NIPA2: variants seen among roughly 807,000 people sequenced by gnomAD.
NIPA2 encodes NIPA magnesium transporter 2.
A neutral mutation model predicts 29.7 loss-of-function variants in NIPA2; 11 were observed. The observed-to-expected ratio is 0.37, with a 90% CI of 0.23 to 0.61. The LOEUF (loss-of-function observed/expected upper bound fraction) is 0.61. Ranked by LOEUF, NIPA2 falls within the 20% of genes least tolerant of loss-of-function variation. The pLI, the probability that NIPA2 is intolerant of heterozygous loss-of-function variation, is 0.66. For missense variants in NIPA2, 426 were observed against 437.9 expected (o/e 0.97, Z 0.24); for synonymous variants, 183 against 161.9 (o/e 1.13, Z -0.99).
At chr15:22,844,714 A>G (rs1283075653) in intron 2 of NIPA2, among the ~76,000 whole-genome samples, 1 of 152,134 alleles carries the variant, frequency 6.6e-6, no homozygotes, top group African/African-American at 2.4e-5. Context: ...TGATCGCGCC[A>G]CTGCACTCCA....
intron 7 of NIPA2, among the ~76,000 whole-genome samples, chr15:22,861,202 A>G (rs1231732696): frequency 6.6e-6 from 1 of 152,170 alleles, no homozygotes; most frequent in Non-Finnish European, 1.5e-5. Context: ...GTTTTTTATG[A>G]ATCGATCAAT....
intron 4 of NIPA2, 138 bp from the exon 5 acceptor site, chr15:22,853,074 A>G (rs1019426533): frequency 1.7e-6 from 1 of 591,330 alleles, no homozygotes; most frequent in African/African-American, 1.9e-5. Context: ...AGAAATTGTC[A>G]GAGAAATCCC....
chr15:22,860,094 G>A (rs146449918), intron 6 of NIPA2, among the ~76,000 whole-genome samples: 6 of 150,746 alleles, frequency 4.0e-5, no homozygotes, highest in South Asian at 2.1e-4. Context: ...GCAGTGGCGC[G>A]ATGTCAGCTC....
chr15:22,855,580 G>A (rs2058119087), intron 5 of NIPA2, among the ~76,000 whole-genome samples: 1 of 152,088 alleles, frequency 6.6e-6, no homozygotes, highest in African/African-American at 2.4e-5. Context: ...TTACATTCTA[G>A]GTGGGAGACA....
chr15:22,864,248 G>A (rs961220718), intron 7 of NIPA2, among the ~76,000 whole-genome samples: 5 of 151,768 alleles, frequency 3.3e-5, no homozygotes, highest in African/African-American at 1.2e-4. Context: ...CTCCCCTCCC[G>A]GGTTCACGCC....
chr15:22,848,607 C>T (rs903494265), intron 3 of NIPA2, among the ~76,000 whole-genome samples: 23 of 151,892 alleles, frequency 1.5e-4, no homozygotes, highest in African/African-American at 5.6e-4. Context: ...GGGCGGATCA[C>T]TCGAGGTCAG....
intron 5 of NIPA2, among the ~76,000 whole-genome samples, chr15:22,854,742 G>A (rs879833167): frequency 6.6e-6 from 1 of 151,992 alleles, no homozygotes; most frequent in Non-Finnish European, 1.5e-5. Flanking sequence ...GTGAGACTCA[G>A]TCTCAAAAAA....
At chr15:22,860,930 T>G (rs776819410) in intron 7 of NIPA2, 141 bp downstream of exon 7, 41 of 598,296 alleles carry the variant, frequency 6.9e-5, no homozygotes, top group Non-Finnish European at 1.1e-4. Flanking sequence ...CCCTGCTCCC[T>G]CCTATCAATC....
intron 7 of NIPA2, among the ~76,000 whole-genome samples, chr15:22,862,898 CT>C (rs59317671): frequency 0.01 from 1,128 of 110,214 alleles, 10 homozygotes; most frequent in African/African-American, 0.037. Flanking sequence ...TGCCTTTATT[CT>C]TTTTTTTTTT....
intron 5 of NIPA2, among the ~76,000 whole-genome samples, chr15:22,856,129 G>A (rs1274576793): frequency 1.3e-5 from 2 of 152,154 alleles, no homozygotes; most frequent in African/African-American, 2.4e-5. Flanking sequence ...GGCTCTCACT[G>A]TGCCAGGACC....
chr15:22,852,602 A>C (rs2057853529), intron 4 of NIPA2, among the ~76,000 whole-genome samples: 1 of 152,158 alleles, frequency 6.6e-6, no homozygotes, highest in Non-Finnish European at 1.5e-5. Flanking sequence ...CAGCTTGAAG[A>C]GTATCCAGTT....
chr15:22,853,485 T>G (rs1413314397), intron 5 of NIPA2, among the ~76,000 whole-genome samples: 3 of 151,694 alleles, frequency 2.0e-5, no homozygotes, highest in Non-Finnish European at 4.4e-5. Context: ...GCGATTCTCC[T>G]GCCTCAGCCT....
At chr15:22,855,178 C>T (rs949331805) in intron 5 of NIPA2, among the ~76,000 whole-genome samples, 1 of 151,798 alleles carries the variant, frequency 6.6e-6, no homozygotes, top group Non-Finnish European at 1.5e-5. Flanking sequence ...TTTGGGAGCC[C>T]GAGGTGGGTG....
intron 7 of NIPA2, among the ~76,000 whole-genome samples, chr15:22,865,605 G>A (rs867725899): frequency 6.6e-6 from 1 of 152,128 alleles, no homozygotes; most frequent in Non-Finnish European, 1.5e-5. Context: ...GGTAGTATCC[G>A]TGATAACAGG....
intron 6 of NIPA2, among the ~76,000 whole-genome samples, chr15:22,859,965 T>C (rs2058504663): frequency 6.6e-6 from 1 of 152,040 alleles, no homozygotes; most frequent in African/African-American, 2.4e-5. Context: ...GAGGGGTGCA[T>C]GCATCAACCA....
chr15:22,840,267 GA>G (rs1195032294), intron 2 of NIPA2, among the ~76,000 whole-genome samples: 1 of 148,348 alleles, frequency 6.7e-6, no homozygotes, highest in East Asian at 2.0e-4. Context: ...AGATTTCGTA[GA>G]AAACTAAGAG....
At chr15:22,855,784 C>T (rs2058133595) in intron 5 of NIPA2, among the ~76,000 whole-genome samples, 1 of 152,070 alleles carries the variant, frequency 6.6e-6, no homozygotes, top group Admixed American at 6.6e-5. Flanking sequence ...GTGATCTGCC[C>T]ATATGATATT....
At chr15:22,862,743 T>C (rs1402287930) in intron 7 of NIPA2, among the ~76,000 whole-genome samples, 1 of 152,068 alleles carries the variant, frequency 6.6e-6, no homozygotes, top group African/African-American at 2.4e-5. Context: ...TGTAGGATAT[T>C]AGAAGGTGTA....
intron 7 of NIPA2, among the ~76,000 whole-genome samples, chr15:22,864,979 A>G (rs756041117): frequency 6.6e-6 from 1 of 151,880 alleles, no homozygotes; most frequent in Non-Finnish European, 1.5e-5. Flanking sequence ...CTCCTGTTTC[A>G]GCCTCCCAAG....
Sources: allele counts gnomAD v4.1 joint callset (sites outside exome capture counted in the v4.1 genomes callset), GRCh38; gene constraint gnomAD v4.1.1; transcripts MANE v1.5; gene names NCBI Gene and HGNC (gene_info 2026-07-23, HGNC 2026-07-21).